The following CNTLN variants were observed in gnomAD, a reference collection of about 807,000 sequenced individuals.
The protein encoded by CNTLN is centlein, centrosomal protein.
CNTLN carries 212 observed loss-of-function variants against 180.0 expected under a neutral mutation model. That is an observed-to-expected ratio of 1.18 (90% confidence interval 1.05 to 1.32). CNTLN has a LOEUF of 1.32. Among genes scored for constraint, CNTLN ranks in the 40% most tolerant of loss-of-function variants. The pLI is 0.00. For missense variants in CNTLN, 2,095 were observed against 1,610.9 expected, an observed-to-expected ratio of 1.30 and a Z score of -5.14; for synonymous variants, 722 against 563.1, an observed-to-expected ratio of 1.28 and a Z score of -3.99.
intron 2 of CNTLN, 137 bp downstream of exon 2, chr9:17,143,513 A>AG (rs36086880): frequency 0.26 from 168,279 of 658,348 alleles, 25,233 homozygotes; most frequent in African/African-American, 0.51. Context: ...TAAAAATTAA[A>AG]TTGTTGGATT....
At chr9:17,236,925 C>T (rs537971723) in intron 5 of CNTLN, among the ~76,000 whole-genome samples, 1 of 152,164 alleles carries the variant, frequency 6.6e-6, no homozygotes, top group South Asian at 2.1e-4. Flanking sequence ...TAATTTGTTG[C>T]AGTATAGTTT....
At chr9:17,138,658 G>C (rs1251103221) in intron 1 of CNTLN, among the ~76,000 whole-genome samples, 2 of 152,146 alleles carry the variant, frequency 1.3e-5, no homozygotes, top group African/African-American at 4.8e-5. Context: ...GTGGCTACCT[G>C]GTGCCATATT....
chr9:17,474,727 G>T (rs923398464), intron 23 of CNTLN, among the ~76,000 whole-genome samples: 1 of 152,062 alleles, frequency 6.6e-6, no homozygotes, highest in Non-Finnish European at 1.5e-5. Flanking sequence ...AATTAGCCAG[G>T]CATGGTGGCA....
chr9:17,513,162 A>G, the CNTLN span, among the ~76,000 whole-genome samples: 1 of 152,182 alleles, frequency 6.6e-6, no homozygotes, highest in South Asian at 2.1e-4. Context: ...GACATAAATT[A>G]AAAGAAAAAT....
At chr9:17,155,487 C>A (rs1439001598) in intron 2 of CNTLN, among the ~76,000 whole-genome samples, 1 of 152,206 alleles carries the variant, frequency 6.6e-6, no homozygotes, top group Non-Finnish European at 1.5e-5. Flanking sequence ...ATCTGGCAGT[C>A]TGGCCACAGC....
At chr9:17,308,993 CACAG>C in intron 7 of CNTLN, 61 bp from the exon 8 acceptor site, 1 of 1,104,188 alleles carries the variant, frequency 9.1e-7, no homozygotes, top group Non-Finnish European at 1.3e-6. Context: ...CACACACACA[CACAG>C]ACACACAGAC....
chr9:17,185,500 T>C (rs942887423), intron 2 of CNTLN, among the ~76,000 whole-genome samples: 5 of 152,262 alleles, frequency 3.3e-5, no homozygotes, highest in Non-Finnish European at 7.3e-5. Context: ...CAGATCTTTC[T>C]GTGATTGCTT....
At chr9:17,188,442 C>CT (rs1160157454) in intron 2 of CNTLN, among the ~76,000 whole-genome samples, 1 of 151,954 alleles carries the variant, frequency 6.6e-6, no homozygotes, top group Non-Finnish European at 1.5e-5. Flanking sequence ...AGCCCATTGT[C>CT]TTTTTTTGGC....
At chr9:17,355,118 C>G (rs552693252) in intron 12 of CNTLN, among the ~76,000 whole-genome samples, 1 of 152,170 alleles carries the variant, frequency 6.6e-6, no homozygotes, top group Non-Finnish European at 1.5e-5. Context: ...ACACTCACCG[C>G]GAGGGTCCGC....
chr9:17,263,265 T>G (rs533098683), intron 5 of CNTLN, among the ~76,000 whole-genome samples: 6 of 144,968 alleles, frequency 4.1e-5, no homozygotes, highest in Non-Finnish European at 8.9e-5. Context: ...ATTGTTCAAT[T>G]CCCACCAGTG....
At chr9:17,287,292 T>A (rs1829047004) in intron 6 of CNTLN, among the ~76,000 whole-genome samples, 1 of 150,824 alleles carries the variant, frequency 6.6e-6, no homozygotes, top group Non-Finnish European at 1.5e-5. Context: ...TGGCTCTGTT[T>A]ATATGCTGGA....
At chr9:17,316,290 G>A (rs973066526) in intron 8 of CNTLN, among the ~76,000 whole-genome samples, 6 of 151,862 alleles carry the variant, frequency 4.0e-5, no homozygotes, top group Admixed American at 6.6e-5. Context: ...ATGTTGTATC[G>A]TTTTCCATAC....
chr9:17,524,006 T>G, the CNTLN span, among the ~76,000 whole-genome samples: 1 of 152,264 alleles, frequency 6.6e-6, no homozygotes, highest in Non-Finnish European at 1.5e-5. Flanking sequence ...TACTCTTATG[T>G]CAAATGTGTG....
chr9:17,498,607 C>T (rs1833581427), intron 25 of CNTLN, among the ~76,000 whole-genome samples: 1 of 152,296 alleles, frequency 6.6e-6, no homozygotes, highest in South Asian at 2.1e-4. Context: ...AGAAATTTCA[C>T]TCAGTATGAA....
intron 7 of CNTLN, chr9:17,298,943 TA>T (rs1205345519): frequency 1.3e-5 from 13 of 984,352 alleles, no homozygotes; most frequent in African/African-American, 7.0e-5. Flanking sequence ...ATCTACTAAT[TA>T]AAAAAAATAC....
chr9:17,475,594 C>T (rs1042184829), intron 23 of CNTLN, among the ~76,000 whole-genome samples: 7 of 151,764 alleles, frequency 4.6e-5, no homozygotes, highest in African/African-American at 1.5e-4. Context: ...AGATAGGGGC[C>T]GGGCACAGTG....
At chr9:17,236,716 A>T in intron 5 of CNTLN, 128 bp downstream of exon 5, 1 of 667,512 alleles carries the variant, frequency 1.5e-6, no homozygotes, top group African/African-American at 1.9e-5. Flanking sequence ...ATTAATTTAT[A>T]TTCTTTCACT....
chr9:17,259,195 T>A (rs1826751249), intron 5 of CNTLN, among the ~76,000 whole-genome samples: 1 of 149,828 alleles, frequency 6.7e-6, no homozygotes. Flanking sequence ...GGTTGTTGAA[T>A]TTTGTACAAA....
At position 17,416,208 on chromosome 9, in the gene CNTLN, T is replaced by C. The variant is rs1327592873; in HGVS notation, c.3114+19T>C. 1.4e-5 allele frequency: 22 copies of C among 1,571,156 alleles called. No homozygotes were observed. The highest frequency in any genetic ancestry group is 2.2e-5 in the East Asian group (1 of 44,584). The stretch of plus-strand genomic sequence containing the variant: ...AATAAAGGTAAAGAGAACTTTAAGA[T>C]TGAACAGTAGTATACTATATTGTAA... On this transcript the variant is annotated intron_variant, in intron 18 of 25. Coordinates refer to ENST00000380647, the MANE Select transcript of CNTLN (RefSeq NM_017738.4).
Sources: allele counts gnomAD v4.1 joint callset (sites outside exome capture counted in the v4.1 genomes callset), GRCh38; gene constraint gnomAD v4.1.1; transcripts MANE v1.5; gene names NCBI Gene and HGNC (gene_info 2026-07-23, HGNC 2026-07-21).